CHRNA7: variants seen among roughly 807,000 people sequenced by gnomAD.
The protein encoded by CHRNA7 is neuronal acetylcholine receptor subunit alpha-7.
CHRNA7 carries 17 observed loss-of-function variants against 48.0 expected under a neutral mutation model. The observed-to-expected ratio is 0.35, with a 90% CI of 0.24 to 0.53. CHRNA7 has a LOEUF of 0.53. Among genes scored for constraint, CHRNA7 ranks in the 20% least tolerant of loss-of-function variants. The pLI is 0.92. For missense variants in CHRNA7, 155 were observed against 577.7 expected (o/e 0.27, Z 7.50); for synonymous variants, 75 against 242.3 (o/e 0.31, Z 6.41).
chr15:32,128,897 G>A (rs1278585022), intron 4 of CHRNA7, among the ~76,000 whole-genome samples: 1 of 151,840 alleles, frequency 6.6e-6, no homozygotes, highest in African/African-American at 2.4e-5. Context: ...TAGGTTTTTT[G>A]TGGAATTGCT....
At chr15:32,137,046 A>AAT (rs1566865840) in intron 4 of CHRNA7, among the ~76,000 whole-genome samples, 4 of 147,288 alleles carry the variant, frequency 2.7e-5, no homozygotes, top group African/African-American at 1.0e-4. Context: ...AAAAAAAAAA[A>AAT]GAAAAAAAAA....
At chr15:32,064,482 A>T (rs1005253435) in intron 2 of CHRNA7, among the ~76,000 whole-genome samples, 1 of 150,510 alleles carries the variant, frequency 6.6e-6, no homozygotes, top group Non-Finnish European at 1.5e-5. Context: ...GTGTGTGTGT[A>T]GTGTGTGTGT....
chr15:32,069,977 G>A lies in CHRNA7; in HGVS notation c.196-31326G>A, dbSNP rs936063211. Among the ~76,000 whole-genome samples the A allele has an allele frequency of 2.6e-5, 4 of 151,728 alleles. 1 individual carries two copies. In the South Asian group the frequency reaches 6.3e-4, roughly 24 times the overall value. On this transcript the variant is annotated intron_variant, in intron 2 of 9. Coordinates refer to ENST00000306901, the MANE Select transcript of CHRNA7 (RefSeq NM_000746.6). ...TTATTTTTTATCTGATTTTCCCCCC[G>A]CCCACTAGATTTATCTCAATTGATG... is the stretch of plus-strand genomic sequence containing the variant.
intron 3 of CHRNA7, among the ~76,000 whole-genome samples, chr15:32,108,868 T>C (rs987647376): frequency 3.9e-5 from 6 of 152,308 alleles, no homozygotes; most frequent in Admixed American, 1.3e-4. Context: ...GTAAGGAAAC[T>C]GCAGTTCAGA....
At chr15:32,057,836 A>G (rs1314497368) in intron 2 of CHRNA7, among the ~76,000 whole-genome samples, 1 of 152,222 alleles carries the variant, frequency 6.6e-6, no homozygotes, top group Admixed American at 6.5e-5. Context: ...ACTTGCAGAC[A>G]TTCAGGTGTT....
At chr15:32,040,726 AAAAC>A (rs2049433893) in intron 2 of CHRNA7, among the ~76,000 whole-genome samples, 2 of 151,972 alleles carry the variant, frequency 1.3e-5, no homozygotes, top group African/African-American at 4.8e-5. Context: ...ATTAATAAGA[AAAAC>A]AAAAGTTTTT....
At chr15:32,108,573 T>G (rs2050710130) in intron 3 of CHRNA7, among the ~76,000 whole-genome samples, 1 of 152,224 alleles carries the variant, frequency 6.6e-6, no homozygotes, top group Admixed American at 6.5e-5. Context: ...CATGGGAGCC[T>G]GTGGGGGTTG....
intron 2 of CHRNA7, among the ~76,000 whole-genome samples, chr15:32,037,481 T>C (rs1041601477): frequency 1.3e-5 from 2 of 152,202 alleles, no homozygotes; most frequent in Non-Finnish European, 2.9e-5. Context: ...TGGGATTTGA[T>C]TGAATCTGTA....
At chr15:32,042,665 T>A (rs1595376598) in intron 2 of CHRNA7, among the ~76,000 whole-genome samples, 1 of 152,344 alleles carries the variant, frequency 6.6e-6, no homozygotes, top group Non-Finnish European at 1.5e-5. Context: ...GATTAGTCTC[T>A]GCTCTGGAAA....
intron 4 of CHRNA7, among the ~76,000 whole-genome samples, chr15:32,124,782 T>C (rs2051035923): frequency 2.0e-5 from 3 of 152,028 alleles, no homozygotes; most frequent in Admixed American, 2.0e-4. Context: ...TAGGAGGGGA[T>C]TGGGTCATAA....
rs1430104230 is a variant in CHRNA7 at position 32,149,328 on chromosome 15, T to C, written c.351-4579T>C. ...CCAGCACAGGGCTGCCCAGCACTGGTGAGGGGGTCACTGTTGGCTGGCATC... is the reference window on the plus strand; with the variant it reads ...CCAGCACAGGGCTGCCCAGCACTGGCGAGGGGGTCACTGTTGGCTGGCATC... On this transcript the variant is annotated intron_variant, in intron 4 of 9. Transcript: ENST00000306901. The surrounding 1 kb of genome is among the most constrained non-coding windows in gnomAD (Gnocchi z 4.6). Among the ~76,000 whole-genome samples the C allele has an allele frequency of 6.6e-6, 1 of 152,144 alleles. No individual in the cohort carries two copies. Among genetic ancestry groups the C allele is most frequent in the Non-Finnish European group, 1.5e-5 (1 of 68,030 alleles).
intron 4 of CHRNA7, among the ~76,000 whole-genome samples, chr15:32,122,536 G>A (rs1286516962): frequency 1.3e-5 from 2 of 151,716 alleles, no homozygotes; most frequent in African/African-American, 4.9e-5. Context: ...TTCCTTTATG[G>A]ATCCTTTATG....
intron 2 of CHRNA7, among the ~76,000 whole-genome samples, chr15:32,067,689 TTATAAG>T (rs146201860): frequency 3.9e-4 from 59 of 152,322 alleles, no homozygotes; most frequent in Non-Finnish European, 6.2e-4. Flanking sequence ...AAAGCAATAA[TTATAAG>T]TATGTGTTGA....
At chr15:32,086,567 G>A (rs1166704439) in intron 2 of CHRNA7, among the ~76,000 whole-genome samples, 1 of 152,048 alleles carries the variant, frequency 6.6e-6, no homozygotes, top group Admixed American at 6.5e-5. Flanking sequence ...TTTAAACTGA[G>A]GTCCGTACTT....
intron 3 of CHRNA7, among the ~76,000 whole-genome samples, chr15:32,109,147 G>A (rs920270393): frequency 6.6e-6 from 1 of 152,206 alleles, no homozygotes; most frequent in Admixed American, 6.5e-5. Flanking sequence ...GAAGGCTGCT[G>A]GTTGCCCATT....
At chr15:32,104,042 T>C (rs1039103726) in intron 3 of CHRNA7, among the ~76,000 whole-genome samples, 1 of 152,192 alleles carries the variant, frequency 6.6e-6, no homozygotes, top group Non-Finnish European at 1.5e-5. Flanking sequence ...TTGCCTCTTC[T>C]GGTGGTGTCT....
intron 4 of CHRNA7, among the ~76,000 whole-genome samples, chr15:32,143,320 C>T (rs1056818498): frequency 3.9e-5 from 6 of 152,038 alleles, no homozygotes; most frequent in South Asian, 2.1e-4. Flanking sequence ...TTACATTTGC[C>T]GAGGAGTGTT....
intron 3 of CHRNA7, among the ~76,000 whole-genome samples, chr15:32,108,480 C>A (rs2050708439): frequency 6.6e-6 from 1 of 152,188 alleles, no homozygotes; most frequent in South Asian, 2.1e-4. Flanking sequence ...GACCTAGGAA[C>A]CAAGTGCTTT....
chr15:32,127,351 G>C (rs944654327), intron 4 of CHRNA7, among the ~76,000 whole-genome samples: 7 of 152,116 alleles, frequency 4.6e-5, no homozygotes, highest in Admixed American at 3.3e-4. Flanking sequence ...CAATTGTTAG[G>C]TTGTATAATA....
Sources: allele counts gnomAD v4.1 joint callset (sites outside exome capture counted in the v4.1 genomes callset), GRCh38; gene constraint gnomAD v4.1.1; non-coding constraint Gnocchi (gnomAD v3.1); transcripts MANE v1.5; gene names NCBI Gene and HGNC (gene_info 2026-07-23, HGNC 2026-07-21).